TBC1D8: variants seen among roughly 807,000 people sequenced by gnomAD.
The protein encoded by TBC1D8 is BUB2-like protein 1.
In TBC1D8, 65 loss-of-function variants were observed where a neutral mutation model predicts 118.8. The observed-to-expected ratio is 0.55, with a 90% CI of 0.45 to 0.67. TBC1D8 has a LOEUF of 0.67. Among genes scored for constraint, TBC1D8 ranks in the 30% least tolerant of loss-of-function variants. The pLI, the probability that TBC1D8 is intolerant of heterozygous loss-of-function variation, is 0.00. For missense variants in TBC1D8, 1,376 were observed against 1,471.2 expected, an observed-to-expected ratio of 0.94 and a Z score of 1.06; for synonymous variants, 566 against 595.8, an observed-to-expected ratio of 0.95 and a Z score of 0.73.
chr2:101,085,834 T>C (rs891814893), intron 2 of TBC1D8, among the ~76,000 whole-genome samples: 3 of 152,078 alleles, frequency 2.0e-5, no homozygotes, highest in Admixed American at 6.6e-5. Context: ...ACAAAATGAA[T>C]TGAGGATCAA....
In TBC1D8 at chr2:101,007,652, A is replaced by T. The variant is rs1678827209; in HGVS notation, c.*169T>A. ...GCACTGACAATTCTCAATACATAGA[A>T]ATGCTTGAGGGTTGTGTCGGTTCCC... On this transcript the variant is annotated 3_prime_UTR_variant, in exon 20 of 20. Transcript: ENST00000409318. The T allele has an allele frequency of 3.0e-6, 2 of 671,296 alleles. No individual in the cohort carries two copies. The highest frequency in any genetic ancestry group is 5.2e-5 in the East Asian group (2 of 38,410). 41.6% of individuals were successfully genotyped at this position (671,296 alleles called of 1,614,324 possible).
chr2:101,113,240 A>T (rs934699966), intron 1 of TBC1D8, among the ~76,000 whole-genome samples: 5 of 152,156 alleles, frequency 3.3e-5, no homozygotes, highest in Admixed American at 1.3e-4. Context: ...TTTGGAAAAC[A>T]TATAAAACCA....
chr2:101,040,858 C>G (rs1279740854), intron 5 of TBC1D8, among the ~76,000 whole-genome samples: 1 of 152,284 alleles, frequency 6.6e-6, no homozygotes, highest in Admixed American at 6.5e-5. Flanking sequence ...TGCACGTGGG[C>G]ATCCCACATT....
chr2:101,019,163 G>A (rs935190220), intron 17 of TBC1D8: 45 of 1,340,968 alleles, frequency 3.4e-5, no homozygotes, highest in Non-Finnish European at 4.4e-5. Context: ...CCCTGGCAGA[G>A]GGCCAGGCCT....
chr2:101,118,610 T>C (rs1470755754), intron 1 of TBC1D8, among the ~76,000 whole-genome samples: 1 of 147,850 alleles, frequency 6.8e-6, no homozygotes, highest in Non-Finnish European at 1.5e-5. Flanking sequence ...GGCAGGAGAA[T>C]GGCGTGAACC....
intron 2 of TBC1D8, among the ~76,000 whole-genome samples, chr2:101,062,051 C>T (rs1320711774): frequency 6.6e-6 from 1 of 152,188 alleles, no homozygotes; most frequent in African/African-American, 2.4e-5. Flanking sequence ...GCTTAAGTCT[C>T]CCTGCCCTGT....
At chr2:101,038,706 T>C (rs1010158824) in intron 6 of TBC1D8, 51 bp from the exon 7 acceptor site, 1 of 1,591,910 alleles carries the variant, frequency 6.3e-7, no homozygotes, top group Middle Eastern at 1.7e-4. Flanking sequence ...AAGGTAGGCA[T>C]GTTATTACAT....
rs1678817014 is a variant in TBC1D8, at chr2:101,007,535, A to G, written c.*286T>C. On this transcript the variant is annotated 3_prime_UTR_variant, in exon 20 of 20. Transcript: ENST00000409318. The stretch of plus-strand genomic sequence containing the variant: ...AGACATTGTGTTCATCTGAGAGCAA[A>G]ATCAACACTAGCATCACAGCAGAAG... 1 of 388,552 alleles carries G rather than the reference A, an allele frequency of 2.6e-6. No individual in the cohort carries two copies. Among genetic ancestry groups the G allele is most frequent in the Admixed American group, 4.2e-5 (1 of 23,756 alleles). 24.1% of individuals were successfully genotyped at this position (388,552 alleles called of 1,614,324 possible).
In TBC1D8 at chr2:101,011,439, A is replaced by G. The variant is rs945739440; in HGVS notation, c.2917+12T>C. On this transcript the variant is annotated intron_variant, in intron 18 of 19. Transcript: ENST00000409318. ...TATGCAGGGGAAAGCAACAATGAAA[A>G]GAGGTACGTGCCATTGGGTTTCCCG... is the stretch of plus-strand genomic sequence containing the variant. The G allele has an allele frequency of 6.2e-7, 1 of 1,613,762 alleles. No homozygotes were observed. The highest frequency in any genetic ancestry group is 1.7e-5 in the Admixed American group (1 of 60,014).
chr2:101,129,251 A>G (rs749994702), intron 1 of TBC1D8, among the ~76,000 whole-genome samples: 2 of 152,008 alleles, frequency 1.3e-5, no homozygotes, highest in Non-Finnish European at 2.9e-5. Flanking sequence ...GGAAATTCTC[A>G]TGCCTCAGCC....
chr2:101,145,670 T>C (rs1057070493), intron 1 of TBC1D8, among the ~76,000 whole-genome samples: 3 of 152,124 alleles, frequency 2.0e-5, no homozygotes, highest in Non-Finnish European at 4.4e-5. Flanking sequence ...CCCCAGTCAT[T>C]AGGACACTCT....
At chr2:101,095,645 T>C (rs1676370031) in intron 1 of TBC1D8, among the ~76,000 whole-genome samples, 1 of 152,068 alleles carries the variant, frequency 6.6e-6, no homozygotes, top group African/African-American at 2.4e-5. Flanking sequence ...CTTAATCCAG[T>C]CTATCATTGT....
intron 17 of TBC1D8, among the ~76,000 whole-genome samples, chr2:101,012,476 G>T (rs1230627091): frequency 6.6e-6 from 1 of 152,158 alleles, no homozygotes; most frequent in Non-Finnish European, 1.5e-5. Flanking sequence ...CAAATGTCCA[G>T]GACAGGCAAA....
rs377718170 is a variant in TBC1D8 at position 101,059,532 on chromosome 2, T to C, written c.291A>G (p.Thr97=). ...CCCAGTGCTGATTGATTTCCTCTAA[T>C]GTTGCACCTGGATTCAAACAGAAAA... ...DVYWAIATGA[T]LEEINQHWDW... is the part of the protein sequence containing the mutation. Residue 97 remains threonine, a synonymous_variant, in exon 3 of 20, where the codon ACA becomes ACG. Coordinates refer to ENST00000409318, the MANE Select transcript of TBC1D8 (RefSeq NM_001330348.2). 2.5e-6 allele frequency: 4 copies of C among 1,611,230 alleles called. No homozygotes were observed. Among genetic ancestry groups the C allele is most frequent in the Non-Finnish European group, 3.4e-6 (4 of 1,177,956 alleles).
chr2:101,066,112 G>A (rs186691454), intron 2 of TBC1D8, among the ~76,000 whole-genome samples: 2 of 151,584 alleles, frequency 1.3e-5, no homozygotes, highest in East Asian at 1.9e-4. Flanking sequence ...AAACCCGGTC[G>A]GTCTTTACTA....
At chr2:101,148,798 G>A (rs1418987514) in intron 1 of TBC1D8, among the ~76,000 whole-genome samples, 2 of 152,146 alleles carry the variant, frequency 1.3e-5, no homozygotes, top group African/African-American at 2.4e-5. Context: ...CTGCCAGAAT[G>A]TGTATCACTG....
At chr2:101,094,098 A>AC (rs1046106556) in intron 1 of TBC1D8, among the ~76,000 whole-genome samples, 6 of 151,620 alleles carry the variant, frequency 4.0e-5, no homozygotes, top group Non-Finnish European at 5.9e-5. Context: ...AACACACCCC[A>AC]CCCCTGCAAT....
intron 1 of TBC1D8, among the ~76,000 whole-genome samples, chr2:101,107,560 C>A (rs1191490399): frequency 6.6e-6 from 1 of 152,142 alleles, no homozygotes; most frequent in African/African-American, 2.4e-5. Context: ...AGTAAATTCA[C>A]ACAGATGTAT....
intron 1 of TBC1D8, among the ~76,000 whole-genome samples, chr2:101,115,901 G>A (rs1383898643): frequency 6.6e-6 from 1 of 152,102 alleles, no homozygotes; most frequent in Non-Finnish European, 1.5e-5. Context: ...CGCCAGCAAG[G>A]CCAGCCACCA....
Sources: allele counts gnomAD v4.1 joint callset (sites outside exome capture counted in the v4.1 genomes callset), GRCh38; gene constraint gnomAD v4.1.1; transcripts MANE v1.5; gene names NCBI Gene and HGNC (gene_info 2026-07-23, HGNC 2026-07-21).